Variants in DMD observed in about 807,000 individuals in gnomAD.
DMD encodes the protein mutant dystrophin.
Under a neutral mutation model 330.1 loss-of-function variants are expected in DMD, and 63 were observed. The ratio of observed to expected loss-of-function variants is 0.19; its 90% CI spans 0.16 to 0.24. The LOEUF is 0.24. Ranked by LOEUF, DMD falls within the 10% of genes least tolerant of loss-of-function variation. The pLI, the probability that DMD is intolerant of heterozygous loss-of-function variation, is 1.00. For missense variants in DMD, 3,344 were observed against 2,684.1 expected (o/e 1.25, Z -5.43); for synonymous variants, 1,223 against 959.8 (o/e 1.27, Z -5.07).
In DMD at chrX:32,573,784, T is replaced by G; in HGVS notation, c.1665A>C (p.Gln555His). 1 of 1,211,872 alleles carries G rather than the reference T, an allele frequency of 8.3e-7. No homozygotes were observed. The highest frequency in any genetic ancestry group is 1.1e-6 in the Non-Finnish European group (1 of 895,513). Reference protein sequence around the residue: ...RWTEDRWVLLQDILLKWQRLT... With the variant: ...RWTEDRWVLLHDILLKWQRLT... ...GACGTTGCCATTTGAGAAGGATGTC[T>G]TGTAAAAGAACCCAGCGGTCTTCTG... is the stretch of plus-strand genomic sequence containing the variant. Residue 555 changes from glutamine to histidine, a missense_variant, in exon 14 of 79, where the codon CAA (glutamine) becomes CAC (histidine). Physicochemically the swap from Gln to His is conservative, Grantham distance 24. Transcript: ENST00000357033.
At chrX:31,934,873 A>T (rs775909046) in intron 45 of DMD, among the ~76,000 whole-genome samples, 59 of 112,412 alleles carry the variant, frequency 5.2e-4, no homozygotes, top group Non-Finnish European at 7.7e-4. Flanking sequence ...CTATTTTCTG[A>T]GTCCATTCTT....
intron 29 of DMD, among the ~76,000 whole-genome samples, chrX:32,437,359 C>T (rs560112760): frequency 8.9e-6 from 1 of 112,022 alleles, no homozygotes; most frequent in South Asian, 3.7e-4. Flanking sequence ...GGTTTTCCTA[C>T]TCAAGGCGTT....
chrX:31,684,767 A>T (rs1473869536), intron 52 of DMD, among the ~76,000 whole-genome samples: 1 of 112,236 alleles, frequency 8.9e-6, no homozygotes, highest in Non-Finnish European at 1.9e-5. Flanking sequence ...GGAGAAGGAA[A>T]ACTAGAATCT....
At chrX:31,585,929 T>C (rs1459683676) in intron 55 of DMD, among the ~76,000 whole-genome samples, 6 of 111,191 alleles carry the variant, frequency 5.4e-5, no homozygotes, top group African/African-American at 2.0e-4. Flanking sequence ...TTTGGTTTGT[T>C]TGTTTTTGTT....
At chrX:32,854,978 G>A (rs943223523) in intron 2 of DMD, among the ~76,000 whole-genome samples, 7 of 111,738 alleles carry the variant, frequency 6.3e-5, no homozygotes, top group South Asian at 3.7e-4. Context: ...AAGGTCATTC[G>A]TTATAACCAA....
chrX:32,783,501 T>G (rs2075078212), intron 7 of DMD, among the ~76,000 whole-genome samples: 1 of 109,063 alleles, frequency 9.2e-6, no homozygotes, highest in Non-Finnish European at 1.9e-5. Context: ...AGGATAGAAA[T>G]CTCCCTGTTG....
chrX:32,138,506 G>C (rs1351244462), intron 44 of DMD, among the ~76,000 whole-genome samples: 1 of 111,875 alleles, frequency 8.9e-6, no homozygotes, highest in East Asian at 2.8e-4. Context: ...TGTGAGTTCT[G>C]TTCCCTTTCC....
intron 13 of DMD, among the ~76,000 whole-genome samples, chrX:32,584,484 T>C (rs1448064710): frequency 1.8e-5 from 2 of 112,211 alleles, no homozygotes; most frequent in Non-Finnish European, 3.8e-5. Context: ...TTTATGTTGA[T>C]AGATGAATTA....
chrX:31,571,162 G>C (rs1161490819), intron 55 of DMD, among the ~76,000 whole-genome samples: 2 of 110,789 alleles, frequency 1.8e-5, no homozygotes, highest in Non-Finnish European at 3.8e-5. Context: ...AAATAAAGTA[G>C]AATGTCCCAT....
intron 17 of DMD, among the ~76,000 whole-genome samples, chrX:32,523,913 T>A (rs1209815676): frequency 9.3e-6 from 1 of 108,100 alleles, no homozygotes; most frequent in Non-Finnish European, 1.9e-5. Flanking sequence ...AAGTAAATAA[T>A]TTTCATTCCA....
chrX:31,711,176 T>G (rs939096272), intron 52 of DMD, among the ~76,000 whole-genome samples: 23 of 111,504 alleles, frequency 2.1e-4, no homozygotes, highest in Non-Finnish European at 1.9e-5. Flanking sequence ...AAATGTTTCC[T>G]CAGGAGAATT....
chrX:33,282,269 C>T (rs908192090), intron 1 of DMD, among the ~76,000 whole-genome samples: 1 of 111,950 alleles, frequency 8.9e-6, no homozygotes, highest in Non-Finnish European at 1.9e-5. Context: ...CTCAGTTCTG[C>T]AGGTATGAAG....
chrX:33,155,338 CAG>C (rs1235784077), intron 1 of DMD, among the ~76,000 whole-genome samples: 3 of 103,358 alleles, frequency 2.9e-5, no homozygotes, highest in Non-Finnish European at 3.9e-5. Context: ...TTTTTTTAGA[CAG>C]AGTCTTGCTC....
At chrX:32,415,088 G>A (rs1435534659) in intron 29 of DMD, among the ~76,000 whole-genome samples, 5 of 111,981 alleles carry the variant, frequency 4.5e-5, no homozygotes, top group South Asian at 7.4e-4. Context: ...CAATCACAGC[G>A]TGTAATAATT....
intron 63 of DMD, among the ~76,000 whole-genome samples, chrX:31,229,099 T>C (rs971237169): frequency 8.9e-6 from 1 of 112,247 alleles, no homozygotes; most frequent in Non-Finnish European, 1.9e-5. Context: ...TTTTATGACT[T>C]TCACTTTTAC....
intron 6 of DMD, among the ~76,000 whole-genome samples, chrX:32,810,860 C>G (rs181071064): frequency 2.8e-4 from 31 of 111,601 alleles, no homozygotes; most frequent in Non-Finnish European, 7.5e-5. Context: ...CCTATTAACT[C>G]TCTGATTTTA....
At position 31,974,075 on chromosome X, in the gene DMD, C is replaced by T. The variant is rs764884494; in HGVS notation, c.6439-5561G>A. On this transcript the variant is annotated intron_variant, in intron 44 of 78. Coordinates refer to ENST00000357033, the MANE Select transcript of DMD (RefSeq NM_004006.3). ...GGTACATATACACCATGAAATACTA[C>T]ATAGTCATAAAAAGAATGAAATCAT... 6.3e-5 allele frequency among the ~76,000 whole-genome samples: 7 copies of T among 111,940 alleles called. No homozygotes were observed. In the South Asian group the frequency reaches 2.6e-3, roughly 42 times the overall value.
intron 42 of DMD, among the ~76,000 whole-genome samples, chrX:32,301,408 G>T (rs1336532176): frequency 9.1e-6 from 1 of 109,291 alleles, no homozygotes; most frequent in Non-Finnish European, 1.9e-5. Context: ...AATCATACGT[G>T]ATTTACAACA....
chrX:32,929,838 T>C (rs1408261697), intron 2 of DMD, among the ~76,000 whole-genome samples: 1 of 111,600 alleles, frequency 9.0e-6, no homozygotes, highest in African/African-American at 3.3e-5. Flanking sequence ...CTGTTTTAGT[T>C]TGCTGAGAAT....
Sources: allele counts gnomAD v4.1 joint callset (sites outside exome capture counted in the v4.1 genomes callset), GRCh38; gene constraint gnomAD v4.1.1; transcripts MANE v1.5; gene names NCBI Gene and HGNC (gene_info 2026-07-23, HGNC 2026-07-21).